The following ALMS1 variants were observed in gnomAD, a reference collection of about 807,000 sequenced individuals.
The protein encoded by ALMS1 is centrosome-associated protein ALMS1.
ALMS1 carries 271 observed loss-of-function variants against 352.2 expected under a neutral mutation model. That is an observed-to-expected ratio of 0.77 (90% CI 0.70 to 0.85). ALMS1 has a LOEUF of 0.85. Ranked by LOEUF, ALMS1 falls within the 40% of genes least tolerant of loss-of-function variation. The pLI is 0.00. For missense variants in ALMS1, 5,445 were observed against 4,870.7 expected (o/e 1.12, Z -3.51); for synonymous variants, 1,865 against 1,761.2 (o/e 1.06, Z -1.48).
Position 73,490,148 on chromosome 2 carries a change from C to G in ALMS1, c.8189C>G (p.Ser2730Cys). 6.2e-7 allele frequency: 1 copy of G among 1,614,150 alleles called. No individual in the cohort carries two copies. Among genetic ancestry groups the G allele is most frequent in the Non-Finnish European group, 8.5e-7 (1 of 1,180,024 alleles). Reference sequence around the variant, plus strand: ...CATTCTAAATGCATTTCCAATTCCTCTGTTGTTAAGGTTGGTGTTACTGAA... The same window carrying G: ...CATTCTAAATGCATTTCCAATTCCTGTGTTGTTAAGGTTGGTGTTACTGAA... Reference protein sequence around the residue: ...HRHSKCISNSSVVKVGVTEGS... With the variant: ...HRHSKCISNSCVVKVGVTEGS... Residue 2730 changes from serine to cysteine, a missense_variant, in exon 10 of 23, where the codon TCT (serine) becomes TGT (cysteine). Coordinates refer to ENST00000613296, the MANE Select transcript of ALMS1 (RefSeq NM_001378454.1).
At chr2:73,495,869 C>G (rs1049813196) in intron 10 of ALMS1, among the ~76,000 whole-genome samples, 2 of 151,916 alleles carry the variant, frequency 1.3e-5, no homozygotes, top group Non-Finnish European at 2.9e-5. Context: ...ATATATTTAC[C>G]CTAATATATA....
intron 1 of ALMS1, among the ~76,000 whole-genome samples, chr2:73,402,729 T>C (rs989500920): frequency 2.1e-4 from 32 of 152,222 alleles, no homozygotes; most frequent in African/African-American, 7.5e-4. Flanking sequence ...CTAACAAGTG[T>C]GAGATGATAT....
chr2:73,547,459 C>T (rs1480207466), intron 12 of ALMS1, among the ~76,000 whole-genome samples: 1 of 152,108 alleles, frequency 6.6e-6, no homozygotes, highest in Non-Finnish European at 1.5e-5. Context: ...CATTTTGGAA[C>T]TTTCCTTCTT....
intron 1 of ALMS1, among the ~76,000 whole-genome samples, chr2:73,408,277 A>G (rs1022880855): frequency 6.6e-6 from 1 of 152,072 alleles, no homozygotes; most frequent in East Asian, 1.9e-4. Context: ...TTTTGTTCCC[A>G]CTTCTTGTGC....
At chr2:73,540,307 A>G (rs1197413444) in intron 12 of ALMS1, among the ~76,000 whole-genome samples, 1 of 152,224 alleles carries the variant, frequency 6.6e-6, no homozygotes, top group Non-Finnish European at 1.5e-5. Flanking sequence ...TCCTTTACAG[A>G]CAAGCAAATG....
chr2:73,607,894 C>T (rs1175086846), intron 21 of ALMS1, among the ~76,000 whole-genome samples: 1 of 151,018 alleles, frequency 6.6e-6, no homozygotes, highest in African/African-American at 2.4e-5. Flanking sequence ...GAACTCCTGA[C>T]CTCGTGATCC....
intron 12 of ALMS1, among the ~76,000 whole-genome samples, chr2:73,546,980 T>C (rs1427052914): frequency 6.6e-6 from 1 of 152,138 alleles, no homozygotes; most frequent in East Asian, 1.9e-4. Flanking sequence ...CAGTCCCCAA[T>C]TTACAGTGGT....
At chr2:73,510,649 G>A (rs1202425062) in intron 10 of ALMS1, among the ~76,000 whole-genome samples, 6 of 152,152 alleles carry the variant, frequency 3.9e-5, no homozygotes, top group East Asian at 3.9e-4. Flanking sequence ...GGTGTCTGTC[G>A]ACCCCTGCTG....
intron 9 of ALMS1, among the ~76,000 whole-genome samples, chr2:73,483,870 G>C (rs1214640566): frequency 6.9e-6 from 1 of 145,548 alleles, no homozygotes; most frequent in Non-Finnish European, 1.5e-5. Flanking sequence ...TTTAAAGTCT[G>C]TTTTATCAGA....
intron 2 of ALMS1, among the ~76,000 whole-genome samples, chr2:73,413,896 TA>T (rs1189737286): frequency 6.6e-6 from 1 of 152,214 alleles, no homozygotes; most frequent in Non-Finnish European, 1.5e-5. Flanking sequence ...TTGATTTACA[TA>T]TGTATCCTCA....
At chr2:73,542,664 A>G (rs1460920449) in intron 12 of ALMS1, among the ~76,000 whole-genome samples, 1 of 152,244 alleles carries the variant, frequency 6.6e-6, no homozygotes, top group East Asian at 1.9e-4. Context: ...ACTTCAGCAA[A>G]GTCACAGGAT....
chr2:73,386,172 G>C lies in ALMS1; in HGVS notation c.304G>C (p.Glu102Gln). The change falls in exon 1 of 23, where the codon GAG (glutamate) becomes CAG (glutamine). Residue 102 changes from glutamate to glutamine, a missense_variant. Coordinates refer to ENST00000613296, the MANE Select transcript of ALMS1 (RefSeq NM_001378454.1). ...SPPQHRYSEG[E>Q]RTSLEKIVPL... ...CCCGCAGCACCGCTACTCGGAGGGC[G>C]AGCGGACCTCCCTGGAGAAGGTGAG... 6.5e-7 allele frequency: 1 copy of C among 1,548,632 alleles called. No individual in the cohort carries two copies. The highest frequency in any genetic ancestry group is 8.7e-7 in the Non-Finnish European group (1 of 1,146,132).
rs1348003970 is a variant in ALMS1 at position 73,408,695 on chromosome 2, C to T, written c.398C>T (p.Thr133Ile). 7 of 1,613,092 alleles carry T rather than the reference C, an allele frequency of 4.3e-6. No homozygotes were observed. The highest frequency in any genetic ancestry group is 5.9e-6 in the Non-Finnish European group (7 of 1,179,710). The change falls in exon 2 of 23, where the codon ACT (threonine) becomes ATT (isoleucine). Residue 133 changes from threonine to isoleucine, a missense_variant. Coordinates refer to ENST00000613296, the MANE Select transcript of ALMS1 (RefSeq NM_001378454.1). ...AATAGTAGAACACAAATTTCTGATA[C>T]TAATGTGGTCTGTTTGGAAACAACA... ...QGNSRTQISD[T>I]NVVCLETTAQ...
At chr2:73,438,385 A>G (rs1671647878) in intron 7 of ALMS1, among the ~76,000 whole-genome samples, 3 of 152,236 alleles carry the variant, frequency 2.0e-5, no homozygotes, top group African/African-American at 4.8e-5. Flanking sequence ...GGTAAAGTAG[A>G]CACACTTAAC....
chr2:73,481,095 T>C (rs1397994854), intron 9 of ALMS1, among the ~76,000 whole-genome samples: 4,902 of 152,144 alleles, frequency 0.032, 208 homozygotes, highest in Admixed American at 0.091. Context: ...ATCCCATTTG[T>C]CAATTTTGTC....
chr2:73,439,355 C>T (rs1022032620), intron 7 of ALMS1, among the ~76,000 whole-genome samples: 1 of 151,904 alleles, frequency 6.6e-6, no homozygotes, highest in Non-Finnish European at 1.5e-5. Flanking sequence ...CCTTTCAAAG[C>T]CTGATCCTCC....
Position 73,450,757 on chromosome 2 carries a change from G to A in ALMS1, c.4230G>A (p.Ala1410=), listed in dbSNP as rs546247768. 9.3e-6 allele frequency: 15 copies of A among 1,611,618 alleles called. No homozygotes were observed. The highest frequency in any genetic ancestry group is 2.7e-5 in the African/African-American group (2 of 74,174). ...HLTEEAKNVS[A]VPGPGDRKTG... ...CTGAAGAGGCTAAGAACGTTTCAGC[G>A]GTTCCTGGACCAGGTGACCGGAAGA... Residue 1410 remains alanine, a synonymous_variant, in exon 8 of 23, where the codon GCG becomes GCA. Transcript: ENST00000613296.
intron 11 of ALMS1, among the ~76,000 whole-genome samples, chr2:73,526,226 C>T (rs1006724628): frequency 2.8e-4 from 42 of 151,956 alleles, no homozygotes; most frequent in African/African-American, 8.9e-4. Context: ...CCTCCAGTTT[C>T]GTTCTTTATG....
At chr2:73,484,862 G>C (rs916022698) in intron 9 of ALMS1, among the ~76,000 whole-genome samples, 4 of 152,116 alleles carry the variant, frequency 2.6e-5, no homozygotes, top group Non-Finnish European at 5.9e-5. Flanking sequence ...TCCAGTTGAT[G>C]GCATCGGCTC....
Sources: allele counts gnomAD v4.1 joint callset (sites outside exome capture counted in the v4.1 genomes callset), GRCh38; gene constraint gnomAD v4.1.1; transcripts MANE v1.5; gene names NCBI Gene and HGNC (gene_info 2026-07-23, HGNC 2026-07-21).